Variants in LTBP2 observed in about 807,000 individuals in gnomAD.
LTBP2 encodes the protein latent-transforming growth factor beta-binding protein 2.
LTBP2 carries 103 observed loss-of-function variants against 210.6 expected under a neutral mutation model. That is an observed-to-expected ratio of 0.49 (90% CI 0.42 to 0.58). The LOEUF (loss-of-function observed/expected upper bound fraction) is 0.58. LTBP2 is among the 20% of genes least tolerant of loss of function. The pLI, the probability that LTBP2 is intolerant of heterozygous loss-of-function variation, is 0.00. For synonymous variants in LTBP2, 1,007 were observed against 1,015.0 expected (o/e 0.99, Z 0.15); for missense variants, 2,313 against 2,494.5 (o/e 0.93, Z 1.55).
intron 3 of LTBP2, among the ~76,000 whole-genome samples, chr14:74,575,648 G>A (rs1408307537): frequency 1.3e-5 from 2 of 152,208 alleles, no homozygotes; most frequent in Non-Finnish European, 2.9e-5. Flanking sequence ...GGGATGCACT[G>A]GGGCTGGCAG....
chr14:74,577,052 C>T (rs1232927302), intron 3 of LTBP2, among the ~76,000 whole-genome samples: 1 of 151,942 alleles, frequency 6.6e-6, no homozygotes. Context: ...AACTAAGAGG[C>T]CAAAATTGGG....
Position 74,509,342 on chromosome 14 carries a change from G to A in LTBP2, c.3299C>T (p.Pro1100Leu), listed in dbSNP as rs781304404. 4.3e-6 allele frequency: 7 copies of A among 1,613,242 alleles called. No individual in the cohort carries two copies. Among genetic ancestry groups the A allele is most frequent in the East Asian group, 4.5e-5 (2 of 44,862 alleles). The change falls in exon 22 of 36, where the codon CCG (proline) becomes CTG (leucine). Residue 1100 changes from proline (P) to leucine (L), a missense_variant. Physicochemically the swap from Pro to Leu is moderately conservative, Grantham distance 98 (BLOSUM62 -3). This residue lies in a region of LTBP2 where 1,867 missense variants were observed against 1,976.9 expected (regional missense o/e 0.94). Coordinates refer to ENST00000261978, the MANE Select transcript of LTBP2 (RefSeq NM_000428.3). ...ACEDLDECAF[P>L]GVCPSGVCTN... ...GCAGACTCCGGAGGGGCAGACTCCC[G>A]GGAAGGCACACTCATCTAGGTCTGC...
rs2087647057 is a variant in LTBP2 at position 74,551,077 on chromosome 14, G to C, written c.1673C>G (p.Thr558Ser). The change falls in exon 7 of 36, where the codon ACT (threonine) becomes AGT (serine). Residue 558 changes from threonine to serine, a missense_variant. Transcript: ENST00000261978. ...CTGTGTTCTCACCTGTCCGTTCACA[G>C]TGTTCAGGTAACACCGGCCCAGCAG... ...RGLLGRCYLN[T>S]VNGQCANPLL... The C allele has an allele frequency of 6.2e-7, 1 of 1,613,664 alleles. No homozygotes were observed. The highest frequency in any genetic ancestry group is 8.5e-7 in the Non-Finnish European group (1 of 1,180,050).
At position 74,511,384 on chromosome 14, in the gene LTBP2, C is replaced by G. The variant is rs774365470; in HGVS notation, c.2909-20G>C. 6.2e-7 allele frequency: 1 copy of G among 1,613,760 alleles called. No homozygotes were observed. Among genetic ancestry groups the G allele is most frequent in the East Asian group, 2.2e-5 (1 of 44,860 alleles). Reference sequence around the variant, plus strand: ...TGATATCTGCAAAACAGCAGCCCCTCCCTTGGTCATCCCTGGGAACATAGC... The same window carrying G: ...TGATATCTGCAAAACAGCAGCCCCTGCCTTGGTCATCCCTGGGAACATAGC... On this transcript the variant is annotated intron_variant, in intron 18 of 35. Coordinates refer to ENST00000261978, the MANE Select transcript of LTBP2 (RefSeq NM_000428.3).
chr14:74,506,501 G>A (rs774806050), intron 27 of LTBP2, among the ~76,000 whole-genome samples, 197 bp downstream of exon 27: 5 of 152,230 alleles, frequency 3.3e-5, no homozygotes, highest in East Asian at 3.9e-4. Context: ...CTGGCAGAGC[G>A]CGGCTGTGCT....
In LTBP2 at chr14:74,586,035, G is replaced by C; in HGVS notation, c.649C>G (p.Arg217Gly). ...CVCRSGFRGA[R>G]CEEVIPDEEF... ...TCATCGGGAATGACCTCCTCGCAGC[G>C]GGCTCCACGGAAACCAGAGCGGCAG... Residue 217 changes from arginine (R) to glycine (G), a missense_variant, in exon 3 of 36, where the codon CGC becomes GGC. Around this residue, in one of 3 missense-constraint regions of LTBP2, gnomAD observed 1,867 missense variants for 1,976.9 expected, o/e 0.94. Transcript: ENST00000261978. This position sits in a 1 kb window ranked among gnomAD's most constrained non-coding sequence, Gnocchi z 4.6. 1.2e-6 allele frequency: 2 copies of C among 1,603,524 alleles called. No homozygotes were observed. Among genetic ancestry groups the C allele is most frequent in the Non-Finnish European group, 1.7e-6 (2 of 1,175,284 alleles).
intron 8 of LTBP2, among the ~76,000 whole-genome samples, chr14:74,546,586 C>T (rs1489558649): frequency 5.9e-5 from 9 of 152,164 alleles, no homozygotes; most frequent in Non-Finnish European, 1.3e-4. Flanking sequence ...GTGCCCAGCG[C>T]GCTGAGATGT....
intron 9 of LTBP2, among the ~76,000 whole-genome samples, chr14:74,533,695 C>A (rs888834613): frequency 1.3e-5 from 2 of 152,190 alleles, no homozygotes; most frequent in African/African-American, 4.8e-5. Context: ...CCCCGGAAAC[C>A]CGTGGAGGCT....
At chr14:74,505,931 C>A (rs76414554) in intron 28 of LTBP2, 117 bp downstream of exon 28, 1 of 1,422,716 alleles carries the variant, frequency 7.0e-7, no homozygotes, top group South Asian at 1.2e-5. Context: ...CCCTATGCTG[C>A]CCCAGGCCCT....
chr14:74,516,348 A>ATCCC (rs964441024), intron 18 of LTBP2, among the ~76,000 whole-genome samples: 2 of 108,526 alleles, frequency 1.8e-5, no homozygotes, highest in Non-Finnish European at 3.9e-5. Context: ...AGGATCTGGA[A>ATCCC]TCCCTCCCTC....
In LTBP2 at chr14:74,550,167, G is replaced by A. The variant is rs2289387; in HGVS notation, c.1687-202C>T. Among the ~76,000 whole-genome samples, 124,904 of 152,236 alleles carry A rather than the reference G, an allele frequency of 0.82. 53,848 individuals are homozygous for A. Among genetic ancestry groups the A allele is most frequent in the Non-Finnish European group, 0.97 (66,185 of 68,024 alleles). On this transcript the variant is annotated intron_variant, in intron 7 of 35. Transcript: ENST00000261978. ...ACCTGCCATGCACTCTCCCAGCCCT[G>A]AACCTTGTGTGTGGATGGGACACCC...
Position 74,612,172 on chromosome 14 carries a change from G to A in LTBP2, c.-228C>T. 2 of 506,066 alleles carry A rather than the reference G, an allele frequency of 4.0e-6. No individual in the cohort carries two copies. The highest frequency in any genetic ancestry group is 3.1e-5 in the South Asian group (1 of 31,822). The allele number at this position is 506,066 out of a possible 1,614,324, so 31.3% of individuals were successfully genotyped here. ...CTCCAGCTGGGCTCGCACGGCTGCT[G>A]CACCTTCGCGCCTCCTCCCTGTGCC... On this transcript the variant is annotated 5_prime_UTR_variant, in exon 1 of 36. Transcript: ENST00000261978.
chr14:74,564,488 A>C (rs112164439), intron 3 of LTBP2, among the ~76,000 whole-genome samples: 42 of 144,146 alleles, frequency 2.9e-4, no homozygotes, highest in African/African-American at 1.0e-3. Flanking sequence ...TCCGTCTCCC[A>C]GGTTCAAGCA....
At chr14:74,502,525 C>A in intron 34 of LTBP2, 128 bp downstream of exon 34, 1 of 1,325,098 alleles carries the variant, frequency 7.5e-7, no homozygotes. Context: ...TGAACGGGGA[C>A]CTCTGGCTTG....
chr14:74,519,050 T>C (rs1437131152), intron 17 of LTBP2, among the ~76,000 whole-genome samples: 1 of 152,216 alleles, frequency 6.6e-6, no homozygotes, highest in Non-Finnish European at 1.5e-5. Context: ...AACAGCCATA[T>C]GAAGATGGAC....
Position 74,596,268 on chromosome 14 carries a change from TTA to T in LTBP2, c.565+7365_565+7366del, listed in dbSNP as rs1491040848. ...AAATAAATAAATAAATAAATAAAAATTAAAAACAAAGAAGTGGAGCAGAACTT... is the reference window on the plus strand; with the variant it reads ...AAATAAATAAATAAATAAATAAAAATAAAACAAAGAAGTGGAGCAGAACTT... On this transcript the variant is annotated intron_variant, in intron 2 of 35. Coordinates refer to ENST00000261978, the MANE Select transcript of LTBP2 (RefSeq NM_000428.3). Among the ~76,000 whole-genome samples the T allele has an allele frequency of 8.8e-3, 1,031 of 117,134 alleles. 13 individuals are homozygous for T. The highest frequency in any genetic ancestry group is 0.027 in the African/African-American group (989 of 36,834). The allele number at this position is 117,134 out of a possible 152,430, so 76.8% of individuals were successfully genotyped here. A position where few individuals can be genotyped will look rare whatever the true frequency, so the allele number is the denominator to read the frequency against.
At chr14:74,608,279 A>G (rs189292081) in intron 1 of LTBP2, among the ~76,000 whole-genome samples, 4 of 152,328 alleles carry the variant, frequency 2.6e-5, no homozygotes, top group Admixed American at 6.5e-5. Context: ...AAACTTCATA[A>G]TATACTTTAA....
chr14:74,540,431 C>T (rs2087477961), intron 8 of LTBP2, among the ~76,000 whole-genome samples: 1 of 151,974 alleles, frequency 6.6e-6, no homozygotes, highest in Non-Finnish European at 1.5e-5. Context: ...CGAGATCATG[C>T]CTCTGTACTC....
intron 8 of LTBP2, among the ~76,000 whole-genome samples, chr14:74,536,595 C>T (rs1293705102): frequency 6.6e-6 from 1 of 152,326 alleles, no homozygotes; most frequent in East Asian, 1.9e-4. Flanking sequence ...GCCTTAATCC[C>T]AGTGCTTTGG....
Sources: allele counts gnomAD v4.1 joint callset (sites outside exome capture counted in the v4.1 genomes callset), GRCh38; gene constraint gnomAD v4.1.1; regional missense constraint gnomAD v4.1.1; non-coding constraint Gnocchi (gnomAD v3.1); transcripts MANE v1.5; gene names NCBI Gene and HGNC (gene_info 2026-07-23, HGNC 2026-07-21).